The following USP12 variants were observed in gnomAD, a reference collection of about 807,000 sequenced individuals.
USP12 encodes the protein ubiquitin carboxyl-terminal hydrolase 12.
In USP12, 19 loss-of-function variants were observed where a neutral mutation model predicts 45.5. The ratio of observed to expected loss-of-function variants is 0.42; its 90% CI spans 0.29 to 0.61. USP12 has a LOEUF of 0.61. Among genes scored for constraint, USP12 ranks in the 20% least tolerant of loss-of-function variants. The pLI is 0.22. For missense variants in USP12, 242 were observed against 447.7 expected (o/e 0.54, Z 4.15); for synonymous variants, 149 against 148.8 (o/e 1.00, Z -0.01).
At chr13:27,124,886 G>A (rs1473758) in intron 1 of USP12, among the ~76,000 whole-genome samples, 145,124 of 152,304 alleles carry the variant, frequency 0.95, 69,262 homozygotes, top group Non-Finnish European at 0.98. Context: ...AAGGCAATGA[G>A]AATATTTATG....
chr13:27,093,441 CAT>C (rs1450853043), intron 4 of USP12, among the ~76,000 whole-genome samples: 3 of 152,144 alleles, frequency 2.0e-5, no homozygotes, highest in African/African-American at 7.2e-5. Flanking sequence ...TGATCAACAT[CAT>C]ATGTCATTAG....
chr13:27,136,641 T>C (rs995327016), intron 1 of USP12, among the ~76,000 whole-genome samples: 4 of 152,198 alleles, frequency 2.6e-5, no homozygotes. Flanking sequence ...AGACAGACTT[T>C]TCTGACTTCT....
chr13:27,071,079 T>C lies in USP12; in HGVS notation c.1003A>G (p.Ile335Val). 1.2e-6 allele frequency: 2 copies of C among 1,608,072 alleles called. No individual in the cohort carries two copies. Among genetic ancestry groups the C allele is most frequent in the Non-Finnish European group, 1.7e-6 (2 of 1,178,592 alleles). ...HDFWLLFDDDIVEKIDAQAIE... is the reference protein window; with the variant it reads ...HDFWLLFDDDVVEKIDAQAIE... ...ATTAAGAAACTACTTACTTCTACAA[T>C]GTCGTCATCAAACAACAACCAAAAA... Residue 335 changes from isoleucine (I) to valine (V), a missense_variant, in exon 8 of 9, where the codon ATT (isoleucine) becomes GTT (valine). Around this residue, in one of 5 missense-constraint regions of USP12, gnomAD observed 94 missense variants for 168.3 expected, o/e 0.56. Transcript: ENST00000282344.
At chr13:27,096,560 G>C (rs1874592437) in intron 3 of USP12, among the ~76,000 whole-genome samples, 1 of 152,184 alleles carries the variant, frequency 6.6e-6, no homozygotes, top group Non-Finnish European at 1.5e-5. Flanking sequence ...AAGGACTTTA[G>C]AGGCAGTATC....
intron 6 of USP12, among the ~76,000 whole-genome samples, chr13:27,081,104 T>C (rs1361114137): frequency 6.6e-6 from 1 of 150,804 alleles, no homozygotes; most frequent in East Asian, 1.9e-4. Flanking sequence ...AGATCCAGGC[T>C]GAGGCAATTT....
intron 1 of USP12, among the ~76,000 whole-genome samples, chr13:27,163,615 C>T (rs780642794): frequency 5.1e-4 from 77 of 151,988 alleles, no homozygotes; most frequent in Non-Finnish European, 1.1e-3. Context: ...CTCATCAGGA[C>T]ACACAGAGAA....
rs150811333 is a variant in USP12, at chr13:27,122,277, C to T, written c.49-5681G>A. Among the ~76,000 whole-genome samples the T allele has an allele frequency of 3.6e-3, 551 of 152,296 alleles. 11 individuals are homozygous for T. Among genetic ancestry groups the T allele is most frequent in the Admixed American group, 0.034 (514 of 15,288 alleles). ...CATACTGTTCTCGTGGTAGTGAATA[C>T]GTTTCATGAGAACTGGTTTTAACTG... On this transcript the variant is annotated intron_variant, in intron 1 of 8. Transcript: ENST00000282344.
intron 1 of USP12, among the ~76,000 whole-genome samples, chr13:27,134,545 T>C (rs963615854): frequency 3.9e-5 from 6 of 152,046 alleles, no homozygotes. Context: ...CCCTAAAGTC[T>C]TCCATATTAC....
intron 1 of USP12, among the ~76,000 whole-genome samples, chr13:27,171,060 G>A (rs1452863608): frequency 6.6e-6 from 1 of 151,608 alleles, no homozygotes; most frequent in Non-Finnish European, 1.5e-5. Flanking sequence ...GCCCGCCCCG[G>A]CCGAGACCCT....
At chr13:27,143,322 C>T (rs535617990) in intron 1 of USP12, among the ~76,000 whole-genome samples, 3 of 152,220 alleles carry the variant, frequency 2.0e-5, no homozygotes, top group East Asian at 3.9e-4. Context: ...GGGAGTATCA[C>T]ATTGATTCCT....
chr13:27,087,199 GC>G (rs1180721746), intron 6 of USP12, among the ~76,000 whole-genome samples: 1 of 151,396 alleles, frequency 6.6e-6, no homozygotes, highest in Non-Finnish European at 1.5e-5. Context: ...GAGAGAATAA[GC>G]TGGGTTAACA....
chr13:27,091,073 G>A (rs950887749), intron 4 of USP12, among the ~76,000 whole-genome samples: 4 of 152,062 alleles, frequency 2.6e-5, no homozygotes, highest in East Asian at 1.9e-4. Flanking sequence ...TCCACTGTAC[G>A]ATGGAAGATA....
chr13:27,075,232 G>A lies in USP12; in HGVS notation c.891C>T (p.Asp297=), dbSNP rs2137754407. 6.2e-7 allele frequency: 1 copy of A among 1,613,960 alleles called. No homozygotes were observed. Among genetic ancestry groups the A allele is most frequent in the Non-Finnish European group, 8.5e-7 (1 of 1,179,858 alleles). ...CAACAGCAACAAGGTCGTACATTCT[G>A]TCTGGATTGGTGGCATCACCTGAAG... ...FNTSGDATNP[D]RMYDLVAVVV... Residue 297 remains aspartate (D), a synonymous_variant, in exon 7 of 9, where the codon GAC becomes GAT. Coordinates refer to ENST00000282344, the MANE Select transcript of USP12 (RefSeq NM_182488.4).
chr13:27,121,880 C>T (rs1039161752), intron 1 of USP12, among the ~76,000 whole-genome samples: 1 of 151,852 alleles, frequency 6.6e-6, no homozygotes, highest in Non-Finnish European at 1.5e-5. Flanking sequence ...AATTAAATAC[C>T]AGAATTAACA....
chr13:27,140,963 A>G (rs963396958), intron 1 of USP12, among the ~76,000 whole-genome samples: 1 of 151,812 alleles, frequency 6.6e-6, no homozygotes, highest in Non-Finnish European at 1.5e-5. Flanking sequence ...ATTCGAAGAA[A>G]AAAAAAACAC....
chr13:27,082,147 C>T (rs571983339), intron 6 of USP12, among the ~76,000 whole-genome samples: 3 of 150,550 alleles, frequency 2.0e-5, no homozygotes, highest in East Asian at 3.9e-4. Flanking sequence ...CAGTCCTAAA[C>T]ACCCTCTTTT....
Position 27,067,690 on chromosome 13 carries a change from G to T in USP12, c.*1593C>A, listed in dbSNP as rs1873060430. 6.6e-6 allele frequency: 1 copy of T among 152,000 alleles called. No individual in the cohort carries two copies. The highest frequency in any genetic ancestry group is 2.1e-4 in the South Asian group (1 of 4,828). 9.4% of individuals were successfully genotyped at this position (152,000 alleles called of 1,614,324 possible). A position where few individuals can be genotyped will look rare whatever the true frequency, so the allele number is the denominator to read the frequency against. On this transcript the variant is annotated 3_prime_UTR_variant, in exon 9 of 9. Coordinates refer to ENST00000282344, the MANE Select transcript of USP12 (RefSeq NM_182488.4). The stretch of plus-strand genomic sequence containing the variant: ...GCAGACTAAAAAATTCCTTTTTGTT[G>T]TTTTCCATAGTCAACAGTTTTAGCA...
At chr13:27,101,597 T>A (rs972727670) in intron 3 of USP12, among the ~76,000 whole-genome samples, 3 of 152,186 alleles carry the variant, frequency 2.0e-5, no homozygotes, top group Non-Finnish European at 2.9e-5. Context: ...AATTTCATTA[T>A]TAAATAAATG....
At chr13:27,108,510 G>A (rs1397861994) in intron 2 of USP12, among the ~76,000 whole-genome samples, 1 of 134,580 alleles carries the variant, frequency 7.4e-6, no homozygotes, top group Non-Finnish European at 1.6e-5. Context: ...TTGTGCACAT[G>A]TACCCTAAAA....
Sources: gnomAD v4.1 joint callset for allele counts (sites outside exome capture counted in the v4.1 genomes callset) on GRCh38, gnomAD v4.1.1 for gene constraint, gnomAD v4.1.1 regional missense constraint, MANE v1.5 for transcripts, NCBI Gene and HGNC (gene_info 2026-07-23, HGNC 2026-07-21) for gene names.